Variants in FGF13 observed in about 807,000 individuals in gnomAD.
FGF13 encodes fibroblast growth factor 13, also known as fibroblast growth factor homologous factor 2.
Under a neutral mutation model 19.5 loss-of-function variants are expected in FGF13, and 2 were observed. The observed-to-expected ratio is 0.10, with a 90% CI of 0.04 to 0.32. The LOEUF is 0.32. Ranked by LOEUF, FGF13 falls within the 10% of genes least tolerant of loss-of-function variation. The probability of loss-of-function intolerance (pLI) is 1.00; values close to 1 mark genes in which losing one functional copy is unlikely to be tolerated. For synonymous variants in FGF13, 72 were observed against 76.9 expected, an observed-to-expected ratio of 0.94 and a Z score of 0.33; for missense variants, 113 against 192.7, an observed-to-expected ratio of 0.59 and a Z score of 2.45.
At chrX:138,985,213 T>A in intron 1 of FGF13, 1 of 256,149 alleles carries the variant, frequency 3.9e-6, no homozygotes, top group South Asian at 4.0e-5. Context: ...TTCGCAGATT[T>A]ACAGAAAGGA....
chrX:139,169,974 C>T (rs992520494), intron 1 of FGF13, among the ~76,000 whole-genome samples: 6 of 111,216 alleles, frequency 5.4e-5, no homozygotes, highest in Non-Finnish European at 1.1e-4. Flanking sequence ...CAAAGAGGTA[C>T]CTCAGGAGCC....
intron 1 of FGF13, among the ~76,000 whole-genome samples, chrX:139,100,987 GAC>G (rs2124457411): frequency 9.0e-6 from 1 of 111,469 alleles, no homozygotes; most frequent in South Asian, 4.0e-4. Flanking sequence ...ATCTCAAAAA[GAC>G]ACAAAAAATC....
chrX:139,108,561 A>C (rs1018682843), intron 1 of FGF13, among the ~76,000 whole-genome samples: 2 of 111,971 alleles, frequency 1.8e-5, no homozygotes, highest in Non-Finnish European at 3.8e-5. Context: ...AATCAACTAA[A>C]ATATGTCGTA....
Position 138,812,316 on chromosome X carries a change from G to A in FGF13, c.217+45196C>T, listed in dbSNP as rs1022469980. On this transcript the variant is annotated intron_variant, in intron 3 of 6. Coordinates refer to the FGF13 transcript ENST00000436198. Reference sequence around the variant, plus strand: ...CCATTCATCAGGTGATGAACTTTGAGTCATTTCCACTTTTAAGCTATTATT... The same window carrying A: ...CCATTCATCAGGTGATGAACTTTGAATCATTTCCACTTTTAAGCTATTATT... Among the ~76,000 whole-genome samples, 59 of 111,937 alleles carry A rather than the reference G, an allele frequency of 5.3e-4. 1 individual carries two copies. The highest frequency in any genetic ancestry group is 1.9e-3 in the African/African-American group (59 of 30,834).
chrX:138,761,657 C>G (rs147359893), intron 3 of FGF13, among the ~76,000 whole-genome samples: 90 of 111,882 alleles, frequency 8.0e-4, no homozygotes, highest in African/African-American at 2.8e-3. Flanking sequence ...AAAGCTGCCC[C>G]ATCATCAGTG....
intron 1 of FGF13, among the ~76,000 whole-genome samples, chrX:139,190,206 G>A (rs1287736627): frequency 1.8e-5 from 2 of 111,652 alleles, no homozygotes; most frequent in Non-Finnish European, 3.8e-5. Flanking sequence ...AAGGAAGGCT[G>A]GGGAAGAATT....
At chrX:138,891,293 G>GA (rs990768315) in intron 1 of FGF13, among the ~76,000 whole-genome samples, 11 of 110,018 alleles carry the variant, frequency 1.0e-4, no homozygotes, top group Admixed American at 1.9e-4. Context: ...TCAAAAAACA[G>GA]AAAAAAAAAT....
intron 3 of FGF13, among the ~76,000 whole-genome samples, chrX:138,688,131 ATT>A (rs769131283): frequency 1.0e-5 from 1 of 98,011 alleles, no homozygotes; most frequent in Non-Finnish European, 2.1e-5. Flanking sequence ...AATTTTTTGT[ATT>A]TTTTTTTTTT....
At chrX:138,680,487 A>C (rs2089717067) in intron 3 of FGF13, among the ~76,000 whole-genome samples, 1 of 112,059 alleles carries the variant, frequency 8.9e-6, no homozygotes, top group Non-Finnish European at 1.9e-5. Context: ...AGTGGCCATG[A>C]AAACAACTTT....
At chrX:138,978,768 A>ATCT (rs1353288011) in intron 1 of FGF13, among the ~76,000 whole-genome samples, 1 of 112,272 alleles carries the variant, frequency 8.9e-6, no homozygotes, top group African/African-American at 3.2e-5. Flanking sequence ...TCATACTGCT[A>ATCT]GCAGGTGGCA....
intron 1 of FGF13, among the ~76,000 whole-genome samples, chrX:139,035,721 G>A (rs1314909772): frequency 9.0e-6 from 1 of 111,353 alleles, no homozygotes; most frequent in African/African-American, 3.3e-5. Flanking sequence ...ACCTAATACT[G>A]AAGTACAATT....
At chrX:139,002,511 G>A (rs1276158644) in intron 1 of FGF13, among the ~76,000 whole-genome samples, 2 of 111,113 alleles carry the variant, frequency 1.8e-5, no homozygotes, top group African/African-American at 3.3e-5. Context: ...GTAGACTCAG[G>A]GGGATATGTG....
chrX:139,026,304 T>C (rs1241454812), intron 1 of FGF13, among the ~76,000 whole-genome samples: 1 of 111,333 alleles, frequency 9.0e-6, no homozygotes. Flanking sequence ...TAGAGGGCCT[T>C]GGTTTAATAA....
chrX:139,067,941 T>C (rs2092362586), intron 1 of FGF13, among the ~76,000 whole-genome samples: 1 of 105,698 alleles, frequency 9.5e-6, no homozygotes. Flanking sequence ...AGGTTGCCTG[T>C]TCACTCTGAT....
At chrX:138,973,907 T>A (rs1208397287) in intron 1 of FGF13, among the ~76,000 whole-genome samples, 1 of 111,826 alleles carries the variant, frequency 8.9e-6, no homozygotes, top group Non-Finnish European at 1.9e-5. Context: ...GAGTCTCTTG[T>A]AGGCAGTATA....
intron 1 of FGF13, among the ~76,000 whole-genome samples, chrX:139,124,530 G>A (rs1472612877): frequency 9.0e-6 from 1 of 111,395 alleles, no homozygotes; most frequent in Non-Finnish European, 1.9e-5. Context: ...GGGCCTACAA[G>A]TGAGCATAGG....
chrX:138,790,093 C>T (rs1257501961), intron 3 of FGF13, among the ~76,000 whole-genome samples: 25 of 98,982 alleles, frequency 2.5e-4, no homozygotes, highest in Non-Finnish European at 3.9e-4. Context: ...CACATGCTGG[C>T]ACCATGATCT....
chrX:138,876,804 G>A (rs2091392042), intron 1 of FGF13, among the ~76,000 whole-genome samples: 1 of 111,808 alleles, frequency 8.9e-6, no homozygotes, highest in Non-Finnish European at 1.9e-5. Flanking sequence ...CTATGGTGAT[G>A]GACCAGAATA....
intron 1 of FGF13, among the ~76,000 whole-genome samples, chrX:139,117,766 G>T (rs1013010747): frequency 9.0e-6 from 1 of 111,684 alleles, no homozygotes; most frequent in Non-Finnish European, 1.9e-5. Context: ...TCTCACAGAT[G>T]CCTGGGGTAA....
Sources: gnomAD v4.1 joint callset for allele counts (sites outside exome capture counted in the v4.1 genomes callset) on GRCh38, gnomAD v4.1.1 for gene constraint, MANE v1.5 for transcripts, NCBI Gene and HGNC (gene_info 2026-07-23, HGNC 2026-07-21) for gene names.